The following SI variants were observed in gnomAD, a reference collection of about 807,000 sequenced individuals.
SI encodes sucrase-isomaltase.
Under a neutral mutation model 253.3 loss-of-function variants are expected in SI, and 235 were observed. That is an observed-to-expected ratio of 0.93 (90% CI 0.83 to 1.03). SI has a LOEUF of 1.03. SI is among the 50% of genes least tolerant of loss of function. SI has a pLI of 0.00. For synonymous variants in SI, 819 were observed against 712.0 expected (o/e 1.15, Z -2.39); for missense variants, 2,442 against 2,211.1 (o/e 1.10, Z -2.09).
chr3:165,038,410 T>C (rs1712645892), intron 20 of SI, among the ~76,000 whole-genome samples: 2 of 151,814 alleles, frequency 1.3e-5, no homozygotes, highest in Admixed American at 6.6e-5. Flanking sequence ...AATAATATCA[T>C]TTAAAATAAA....
chr3:165,059,512 T>C (rs1179070937), intron 10 of SI, among the ~76,000 whole-genome samples: 2 of 152,026 alleles, frequency 1.3e-5, no homozygotes, highest in Non-Finnish European at 2.9e-5. Context: ...TTATTCATAT[T>C]TGTCAGTGAT....
intron 7 of SI, among the ~76,000 whole-genome samples, chr3:165,063,903 T>C (rs1302360013): frequency 8.9e-6 from 1 of 112,354 alleles, no homozygotes; most frequent in African/African-American, 3.0e-5. Context: ...ACCCTGTTTC[T>C]ACTAAAAATA....
intron 6 of SI, 53 bp from the exon 7 acceptor site, chr3:165,065,485 A>C: frequency 3.6e-6 from 1 of 276,606 alleles, no homozygotes; most frequent in Non-Finnish European, 5.9e-6. Flanking sequence ...ATATATATAT[A>C]TATATATATG....
chr3:164,989,356 GA>G, intron 44 of SI, among the ~76,000 whole-genome samples: 3 of 102,112 alleles, frequency 2.9e-5, no homozygotes, highest in African/African-American at 9.9e-5. Flanking sequence ...AGAGAAAGAA[GA>G]AAGAAAGAAA....
chr3:165,037,663 T>G (rs1384874483), intron 21 of SI, among the ~76,000 whole-genome samples: 1 of 151,796 alleles, frequency 6.6e-6, no homozygotes, highest in Non-Finnish European at 1.5e-5. Flanking sequence ...TGGGTAAATT[T>G]TTGATACAGG....
chr3:165,087,324 C>T, the SI span, among the ~76,000 whole-genome samples: 1 of 152,006 alleles, frequency 6.6e-6, no homozygotes, highest in South Asian at 2.1e-4. Context: ...GAACGACACC[C>T]TTATCAAACC....
At chr3:164,992,924 GT>G (rs925956630) in intron 41 of SI, among the ~76,000 whole-genome samples, 63 of 146,790 alleles carry the variant, frequency 4.3e-4, no homozygotes, top group African/African-American at 1.3e-3. Flanking sequence ...AAAAACAAAG[GT>G]TTTTTTTTTG....
the SI span, among the ~76,000 whole-genome samples, chr3:165,086,959 T>C: frequency 6.6e-6 from 1 of 152,216 alleles, no homozygotes; most frequent in South Asian, 2.1e-4. Context: ...CCCTCCCTTA[T>C]GAGACAGTTT....
At chr3:165,085,828 C>T in the SI span, among the ~76,000 whole-genome samples, 5 of 152,186 alleles carry the variant, frequency 3.3e-5, no homozygotes, top group East Asian at 5.8e-4. Context: ...TCAGAATATA[C>T]AAGACAAATG....
chr3:165,067,833 T>C (rs374165034), intron 5 of SI, among the ~76,000 whole-genome samples: 1 of 151,878 alleles, frequency 6.6e-6, no homozygotes, highest in East Asian at 1.9e-4. Context: ...CTTTTCAGTG[T>C]TTGGGTCCTT....
intron 7 of SI, among the ~76,000 whole-genome samples, chr3:165,064,431 G>A (rs975073531): frequency 6.6e-6 from 1 of 152,032 alleles, no homozygotes; most frequent in African/African-American, 2.4e-5. Flanking sequence ...TAATAATTCT[G>A]TACCAAATGA....
chr3:165,057,856 A>G (rs1405698177), intron 12 of SI, among the ~76,000 whole-genome samples: 1 of 152,052 alleles, frequency 6.6e-6, no homozygotes, highest in African/African-American at 2.4e-5. Context: ...AATTCTTTGT[A>G]CAGCATTGTA....
the SI span, among the ~76,000 whole-genome samples, chr3:165,088,471 C>T: frequency 6.6e-6 from 1 of 151,812 alleles, no homozygotes. Context: ...GGTGAAACCC[C>T]GTCTCTACTA....
chr3:165,039,193 A>G (rs978242596), intron 19 of SI, 59 bp from the exon 20 acceptor site: 5 of 1,192,508 alleles, frequency 4.2e-6, no homozygotes, highest in Non-Finnish European at 6.1e-6. Flanking sequence ...GGATCTTATC[A>G]AATATTAAGT....
chr3:165,042,339 T>C (rs1712879888), intron 17 of SI, among the ~76,000 whole-genome samples: 1 of 152,054 alleles, frequency 6.6e-6, no homozygotes, highest in Non-Finnish European at 1.5e-5. Flanking sequence ...TCAAACACAA[T>C]ATAAGCCCTG....
chr3:165,026,422 C>T (rs1711924580), intron 25 of SI, among the ~76,000 whole-genome samples: 1 of 151,148 alleles, frequency 6.6e-6, no homozygotes, highest in South Asian at 2.1e-4. Flanking sequence ...CTAGACAGAT[C>T]ATCAAGATGG....
chr3:165,074,343 G>C (rs976048521), intron 3 of SI, 188 bp downstream of exon 3: 2 of 334,052 alleles, frequency 6.0e-6, no homozygotes, highest in Non-Finnish European at 5.4e-6. Flanking sequence ...ATTGAGCAGA[G>C]ATAAAGGAAA....
At chr3:165,010,212 T>G (rs1718707188) in intron 34 of SI, among the ~76,000 whole-genome samples, 1 of 151,882 alleles carries the variant, frequency 6.6e-6, no homozygotes, top group South Asian at 2.1e-4. Context: ...CAGGCTGGAG[T>G]GCAATGGCAC....
chr3:165,042,818 C>T (rs1712910459), intron 17 of SI, among the ~76,000 whole-genome samples: 1 of 151,994 alleles, frequency 6.6e-6, no homozygotes. Flanking sequence ...ATGCGTTAGT[C>T]TCAACTAAAA....
Sources: allele counts gnomAD v4.1 joint callset (sites outside exome capture counted in the v4.1 genomes callset), GRCh38; gene constraint gnomAD v4.1.1; transcripts MANE v1.5; gene names NCBI Gene and HGNC (gene_info 2026-07-23, HGNC 2026-07-21).